Variants in NEK10 observed in about 807,000 individuals in gnomAD.
NEK10 encodes the protein NIMA related kinase 10.
In NEK10, 122 loss-of-function variants were observed where a neutral mutation model predicts 159.8. The observed-to-expected ratio is 0.76, with a 90% CI of 0.66 to 0.89. The LOEUF (loss-of-function observed/expected upper bound fraction) is 0.89. Ranked by LOEUF, NEK10 falls within the 40% of genes least tolerant of loss-of-function variation. NEK10 has a pLI of 0.00. For missense variants in NEK10, 1,342 were observed against 1,323.1 expected (o/e 1.01, Z -0.22); for synonymous variants, 466 against 457.1 (o/e 1.02, Z -0.25).
chr3:27,261,717 G>A (rs1192954469), intron 22 of NEK10, among the ~76,000 whole-genome samples: 1 of 152,214 alleles, frequency 6.6e-6, no homozygotes, highest in Non-Finnish European at 1.5e-5. Flanking sequence ...GGGGTGGAGA[G>A]TTCTGTAGAT....
intron 32 of NEK10, among the ~76,000 whole-genome samples, chr3:27,129,100 A>G (rs1466111369): frequency 1.4e-4 from 22 of 152,104 alleles, no homozygotes; most frequent in Admixed American, 1.4e-3. Flanking sequence ...CTAGTTCCCA[A>G]GGGTACCTAT....
At position 27,295,654 on chromosome 3, in the gene NEK10, G is replaced by T; in HGVS notation, c.1267C>A (p.Pro423Thr). ...TTTGCTGCATTCTTTTGCTTATTTG[G>T]TAAAATTAATTTTGCTATTGTATAT... ...GVYTIAKLIL[P>T]NKQKNAAKSN... The change falls in exon 15 of 36, where the codon CCA becomes ACA. Residue 423 changes from proline to threonine, a missense_variant. Pro to Thr is a conservative substitution (Grantham distance 38, BLOSUM62 -1). Coordinates refer to ENST00000691995, the MANE Select transcript of NEK10 (RefSeq NM_001394966.1). 1 of 1,567,188 alleles carries T rather than the reference G, an allele frequency of 6.4e-7. No individual in the cohort carries two copies. The highest frequency in any genetic ancestry group is 8.7e-7 in the Non-Finnish European group (1 of 1,153,502).
intron 30 of NEK10, among the ~76,000 whole-genome samples, chr3:27,156,989 C>G (rs1333445432): frequency 1.0e-5 from 1 of 99,192 alleles, no homozygotes; most frequent in African/African-American, 3.7e-5. Context: ...TGATGAAATA[C>G]TACTCAGCCA....
At chr3:27,280,562 A>G (rs2042083491) in intron 22 of NEK10, among the ~76,000 whole-genome samples, 1 of 152,190 alleles carries the variant, frequency 6.6e-6, no homozygotes, top group African/African-American at 2.4e-5. Context: ...GCTGCTCAGA[A>G]TGACAGCAAA....
intron 6 of NEK10, among the ~76,000 whole-genome samples, chr3:27,319,173 C>T (rs1024450996): frequency 1.3e-5 from 2 of 152,150 alleles, no homozygotes; most frequent in African/African-American, 2.4e-5. Flanking sequence ...AAGGTTTTCT[C>T]TTTATCTTTG....
intron 23 of NEK10, among the ~76,000 whole-genome samples, chr3:27,205,785 G>A (rs1425499707): frequency 2.2e-5 from 3 of 138,296 alleles, no homozygotes; most frequent in African/African-American, 8.4e-5. Context: ...TACCATTCAG[G>A]ACATAGGCAT....
intron 30 of NEK10, among the ~76,000 whole-genome samples, chr3:27,154,199 A>T (rs149676297): frequency 3.9e-5 from 6 of 152,226 alleles, no homozygotes; most frequent in African/African-American, 1.4e-4. Context: ...TAGAAAACCT[A>T]GAAGAGATGG....
intron 29 of NEK10, among the ~76,000 whole-genome samples, chr3:27,167,850 G>C (rs1335379563): frequency 6.6e-6 from 1 of 152,152 alleles, no homozygotes; most frequent in Non-Finnish European, 1.5e-5. Context: ...TTATTCTCCA[G>C]CCTTGAGACT....
At chr3:27,256,791 A>G (rs912386085) in intron 22 of NEK10, among the ~76,000 whole-genome samples, 2 of 152,170 alleles carry the variant, frequency 1.3e-5, no homozygotes, top group African/African-American at 4.8e-5. Context: ...AAATAATCTC[A>G]AAATATTTAT....
At chr3:27,342,037 A>G (rs1388253557) in intron 5 of NEK10, among the ~76,000 whole-genome samples, 3 of 149,044 alleles carry the variant, frequency 2.0e-5, no homozygotes, top group African/African-American at 7.5e-5. Context: ...ATTTTCCTTT[A>G]TTGTGTAATT....
chr3:27,166,821 G>T (rs183814481), intron 29 of NEK10, among the ~76,000 whole-genome samples: 1 of 152,114 alleles, frequency 6.6e-6, no homozygotes, highest in African/African-American at 2.4e-5. Context: ...TTAGCTGGGT[G>T]TGGTGGCAGG....
intron 22 of NEK10, among the ~76,000 whole-genome samples, chr3:27,263,519 G>C (rs1311635903): frequency 2.0e-5 from 3 of 152,156 alleles, no homozygotes; most frequent in Admixed American, 2.0e-4. Flanking sequence ...GGCAATGGCA[G>C]GCACCCCTCC....
intron 6 of NEK10, among the ~76,000 whole-genome samples, chr3:27,315,814 A>G (rs971345763): frequency 4.6e-5 from 7 of 152,342 alleles, no homozygotes; most frequent in African/African-American, 1.7e-4. Flanking sequence ...AGGCGCCAGA[A>G]TAGAGACACC....
rs1939379055 is a variant in NEK10 at position 27,110,237 on chromosome 3, G to A, written c.*1035C>T. ...TTAAGAAGCTGATTGAAGAGAAGGA[G>A]TTTAAGCCCAGTGAGAATCTAGCAG... is the stretch of plus-strand genomic sequence containing the variant. On this transcript the variant is annotated 3_prime_UTR_variant, in exon 36 of 36. Transcript: ENST00000691995. 2 of 151,920 alleles carry A rather than the reference G, an allele frequency of 1.3e-5. No individual in the cohort carries two copies. Among genetic ancestry groups the A allele is most frequent in the Non-Finnish European group, 2.9e-5 (2 of 67,944 alleles). 9.4% of individuals were successfully genotyped at this position (151,920 alleles called of 1,614,324 possible).
chr3:27,233,658 C>T (rs1406099290), intron 23 of NEK10, among the ~76,000 whole-genome samples: 3 of 151,724 alleles, frequency 2.0e-5, no homozygotes, highest in African/African-American at 7.3e-5. Context: ...CATCAACCAA[C>T]AAGTGGATAA....
At chr3:27,352,755 T>C in intron 2 of NEK10, 57 bp downstream of exon 2, 2 of 1,193,222 alleles carry the variant, frequency 1.7e-6, no homozygotes, top group Admixed American at 3.4e-5. Flanking sequence ...AGCCATTAAA[T>C]CTGTTCAATG....
intron 29 of NEK10, among the ~76,000 whole-genome samples, chr3:27,168,032 C>G (rs760829164): frequency 6.6e-6 from 1 of 152,032 alleles, no homozygotes; most frequent in Non-Finnish European, 1.5e-5. Flanking sequence ...GATATCTGAC[C>G]AAAGTTATGA....
intron 35 of NEK10, among the ~76,000 whole-genome samples, chr3:27,113,615 A>G (rs1473075348): frequency 6.6e-6 from 1 of 152,126 alleles, no homozygotes; most frequent in African/African-American, 2.4e-5. Context: ...TTACAAATAT[A>G]ACTGAATAAT....
At chr3:27,251,172 C>A (rs913544935) in intron 23 of NEK10, among the ~76,000 whole-genome samples, 4 of 152,132 alleles carry the variant, frequency 2.6e-5, no homozygotes, top group African/African-American at 7.2e-5. Context: ...AAAATTCAAT[C>A]ATTTAAAACT....
Sources: gnomAD v4.1 joint callset for allele counts (sites outside exome capture counted in the v4.1 genomes callset) on GRCh38, gnomAD v4.1.1 for gene constraint, MANE v1.5 for transcripts, NCBI Gene and HGNC (gene_info 2026-07-23, HGNC 2026-07-21) for gene names.